The following SIPA1L2 variants were observed in gnomAD, a reference collection of about 807,000 sequenced individuals.
The protein encoded by SIPA1L2 is signal-induced proliferation-associated 1-like protein 2.
In SIPA1L2, 56 loss-of-function variants were observed where a neutral mutation model predicts 163.9. That is an observed-to-expected ratio of 0.34 (90% CI 0.28 to 0.43). SIPA1L2 has a LOEUF of 0.43. Among genes scored for constraint, SIPA1L2 ranks in the 20% least tolerant of loss-of-function variants. The pLI is 1.00. For synonymous variants in SIPA1L2, 877 were observed against 865.7 expected (o/e 1.01, Z -0.23); for missense variants, 1,974 against 2,193.5 (o/e 0.90, Z 2.00).
chr1:232,541,247 TTAACATAACATAACATAACA>T (rs200351522), intron 2 of SIPA1L2, among the ~76,000 whole-genome samples: 18,863 of 144,624 alleles, frequency 0.13, 1,371 homozygotes, highest in East Asian at 0.23. Context: ...TAACATAACA[TTAACATAACATAACATAACA>T]TAACATAACA....
rs536765998 is a variant in SIPA1L2 at position 232,515,670 on chromosome 1, A to G, written c.-269-62T>C. On this transcript the variant is annotated intron_variant, in intron 2 of 22. Coordinates refer to ENST00000674635, the MANE Select transcript of SIPA1L2 (RefSeq NM_020808.5). ...ATATGCTTCAAGTTGAACACATTCT[A>G]TGATAAATTTCGTATCTGTCTTTCC... is the stretch of plus-strand genomic sequence containing the variant. 51 of 245,100 alleles carry G rather than the reference A, an allele frequency of 2.1e-4. 1 individual carries two copies. The highest frequency in any genetic ancestry group is 4.9e-4 in the African/African-American group (22 of 44,594). 15.2% of individuals were successfully genotyped at this position (245,100 alleles called of 1,614,324 possible).
At chr1:232,625,156 G>C (rs1238710343) in intron 1 of SIPA1L2, among the ~76,000 whole-genome samples, 1 of 152,234 alleles carries the variant, frequency 6.6e-6, no homozygotes, top group Admixed American at 6.5e-5. Context: ...CATGTGGAAA[G>C]GTGGAGCTAT....
chr1:232,443,562 G>C, intron 12 of SIPA1L2, 40 bp downstream of exon 12: 1 of 1,486,872 alleles, frequency 6.7e-7, no homozygotes, highest in East Asian at 2.4e-5. Flanking sequence ...CAGAAAACAG[G>C]TTCCTCCCAG....
At chr1:232,615,723 G>A (rs1433556308) in intron 1 of SIPA1L2, among the ~76,000 whole-genome samples, 1 of 152,042 alleles carries the variant, frequency 6.6e-6, no homozygotes, top group African/African-American at 2.4e-5. Flanking sequence ...CTAATTATTA[G>A]ACTTTACCCT....
chr1:232,406,305 C>T (rs542817419), intron 19 of SIPA1L2, among the ~76,000 whole-genome samples: 2 of 152,374 alleles, frequency 1.3e-5, no homozygotes, highest in African/African-American at 2.4e-5. Flanking sequence ...CAATCACCCA[C>T]ACTCCACACG....
At chr1:232,598,734 A>G (rs543082756) in intron 1 of SIPA1L2, among the ~76,000 whole-genome samples, 2 of 152,228 alleles carry the variant, frequency 1.3e-5, no homozygotes, top group East Asian at 1.9e-4. Context: ...ATCCAATTCA[A>G]CAGAGCTCAG....
At chr1:232,590,271 GC>G (rs1290427985) in intron 1 of SIPA1L2, among the ~76,000 whole-genome samples, 1 of 152,152 alleles carries the variant, frequency 6.6e-6, no homozygotes, top group Non-Finnish European at 1.5e-5. Flanking sequence ...ATCTCAAGAT[GC>G]CCCATAAAAA....
intron 19 of SIPA1L2, 55 bp from the exon 20 acceptor site, chr1:232,404,233 A>C: frequency 1.3e-6 from 2 of 1,551,888 alleles, no homozygotes. Flanking sequence ...TATACTTGAG[A>C]ATCTCGGGGG....
chr1:232,526,673 C>G (rs575507753), intron 2 of SIPA1L2, among the ~76,000 whole-genome samples: 1 of 152,160 alleles, frequency 6.6e-6, no homozygotes, highest in African/African-American at 2.4e-5. Flanking sequence ...ATCTATATAC[C>G]GTAGGCCTGT....
intron 2 of SIPA1L2, among the ~76,000 whole-genome samples, chr1:232,549,097 G>A (rs1658229520): frequency 6.6e-6 from 1 of 152,180 alleles, no homozygotes; most frequent in Non-Finnish European, 1.5e-5. Flanking sequence ...AAGGGACATG[G>A]AGCTTTCATG....
chr1:232,562,069 C>T (rs2102747457), intron 2 of SIPA1L2, among the ~76,000 whole-genome samples: 1 of 152,250 alleles, frequency 6.6e-6, no homozygotes, highest in East Asian at 1.9e-4. Context: ...AACAAATCCC[C>T]AGGAGTTTTG....
At chr1:232,405,321 C>T (rs944707244) in intron 19 of SIPA1L2, among the ~76,000 whole-genome samples, 1 of 152,258 alleles carries the variant, frequency 6.6e-6, no homozygotes, top group Non-Finnish European at 1.5e-5. Flanking sequence ...TCAACTAATT[C>T]TGTAAAGCTC....
intron 3 of SIPA1L2, among the ~76,000 whole-genome samples, chr1:232,512,183 C>T (rs1201654797): frequency 6.6e-6 from 1 of 152,174 alleles, no homozygotes; most frequent in South Asian, 2.1e-4. Context: ...TACCATCTCA[C>T]GCCAATTAGA....
intron 3 of SIPA1L2, among the ~76,000 whole-genome samples, chr1:232,508,565 A>T (rs867658551): frequency 6.6e-6 from 1 of 152,216 alleles, no homozygotes; most frequent in Non-Finnish European, 1.5e-5. Flanking sequence ...TGATGCTCAC[A>T]TGACTGACCG....
intron 18 of SIPA1L2, among the ~76,000 whole-genome samples, chr1:232,416,806 C>A (rs1460141174): frequency 1.3e-5 from 2 of 152,140 alleles, no homozygotes; most frequent in African/African-American, 4.8e-5. Context: ...ACTCACCCAC[C>A]CTGTATTCAA....
intron 5 of SIPA1L2, 128 bp downstream of exon 5, chr1:232,490,746 C>T: frequency 1.0e-6 from 1 of 995,470 alleles, no homozygotes; most frequent in Non-Finnish European, 1.5e-6. Context: ...TTGGGAAAAA[C>T]TAAAGAGAAA....
In SIPA1L2 at chr1:232,464,847, C is replaced by A; in HGVS notation, c.2813G>T (p.Arg938Leu). 2 of 1,596,576 alleles carry A rather than the reference C, an allele frequency of 1.3e-6. No individual in the cohort carries two copies. Among genetic ancestry groups the A allele is most frequent in the Non-Finnish European group, 1.7e-6 (2 of 1,171,842 alleles). The change falls in exon 9 of 23, where the codon CGA (arginine) becomes CTA (leucine). Residue 938 changes from arginine to leucine, a missense_variant. Arg to Leu is a moderately radical substitution (Grantham distance 102). This residue lies in a region of SIPA1L2 where 1,079 missense variants were observed against 1,150.7 expected (regional missense o/e 0.94). Coordinates refer to ENST00000674635, the MANE Select transcript of SIPA1L2 (RefSeq NM_020808.5). ...TAGAAAACATGTACTTACTACTAATCGCTGAACAATTTCCCTGATGTCTTC... is the reference window on the plus strand; with the variant it reads ...TAGAAAACATGTACTTACTACTAATAGCTGAACAATTTCCCTGATGTCTTC... ...CAEDIREIVQ[R>L]LVIVTRGCET...
intron 8 of SIPA1L2, among the ~76,000 whole-genome samples, chr1:232,468,275 G>T (rs1664624431): frequency 6.6e-6 from 1 of 152,132 alleles, no homozygotes; most frequent in Non-Finnish European, 1.5e-5. Flanking sequence ...TGATTTAGGG[G>T]CCTTAGATAT....
chr1:232,434,701 C>T (rs72757401), intron 15 of SIPA1L2, among the ~76,000 whole-genome samples: 9,885 of 152,250 alleles, frequency 0.065, 379 homozygotes, highest in Middle Eastern at 0.14. Flanking sequence ...CTCTGACGCC[C>T]TGTATGTTAT....
Sources: allele counts gnomAD v4.1 joint callset (sites outside exome capture counted in the v4.1 genomes callset), GRCh38; gene constraint gnomAD v4.1.1; regional missense constraint gnomAD v4.1.1; transcripts MANE v1.5; gene names NCBI Gene and HGNC (gene_info 2026-07-23, HGNC 2026-07-21).